PPP4R2: variants seen among roughly 807,000 people sequenced by gnomAD.
The protein encoded by PPP4R2 is protein phosphatase 4 regulatory subunit 2, also known as serine/threonine-protein phosphatase 4 regulatory subunit 2.
In PPP4R2, 13 loss-of-function variants were observed where a neutral mutation model predicts 47.2. The observed-to-expected ratio is 0.28, with a 90% CI of 0.18 to 0.44. The LOEUF (loss-of-function observed/expected upper bound fraction) is 0.44. Ranked by LOEUF, PPP4R2 falls within the 20% of genes least tolerant of loss-of-function variation. PPP4R2 has a pLI of 1.00. For synonymous variants in PPP4R2, 151 were observed against 163.3 expected, an observed-to-expected ratio of 0.92 and a Z score of 0.57; for missense variants, 421 against 491.2, an observed-to-expected ratio of 0.86 and a Z score of 1.35.
intron 2 of PPP4R2, among the ~76,000 whole-genome samples, chr3:73,043,135 T>A (rs963411506): frequency 6.6e-6 from 1 of 152,134 alleles, no homozygotes; most frequent in Non-Finnish European, 1.5e-5. Flanking sequence ...AATTATTAAT[T>A]TAAGAAATGA....
At chr3:73,027,820 T>A (rs1702095874) in intron 2 of PPP4R2, 1 of 151,650 alleles carries the variant, frequency 6.6e-6, no homozygotes, top group Non-Finnish European at 1.5e-5. Flanking sequence ...ATGTTACAGC[T>A]CTTTTAGAAT....
At chr3:73,003,275 G>A (rs1053282192) in intron 2 of PPP4R2, among the ~76,000 whole-genome samples, 7 of 150,930 alleles carry the variant, frequency 4.6e-5, no homozygotes, top group African/African-American at 9.8e-5. Flanking sequence ...GCAGTGGTGC[G>A]ATCACAGCTC....
intron 2 of PPP4R2, among the ~76,000 whole-genome samples, chr3:73,005,094 C>A (rs1701577338): frequency 6.6e-6 from 1 of 151,978 alleles, no homozygotes; most frequent in Non-Finnish European, 1.5e-5. Context: ...AGGTGCCCAC[C>A]ACTATGCCTG....
In PPP4R2 at chr3:73,050,382, CT is replaced by C. The variant is rs1013236533; in HGVS notation, c.287+3033del. 3.2e-4 allele frequency among the ~76,000 whole-genome samples: 48 copies of C among 152,036 alleles called. 1 individual carries two copies. Among genetic ancestry groups the C allele is most frequent in the South Asian group, 1.5e-3 (7 of 4,822 alleles). On this transcript the variant is annotated intron_variant, in intron 3 of 8. Coordinates refer to ENST00000356692, the MANE Select transcript of PPP4R2 (RefSeq NM_174907.4). The stretch of plus-strand genomic sequence containing the variant: ...AAGATTTTTCTATTTTTAATTTACT[CT>C]TTTTTTGTCTGTATTTTAATATATT...
At chr3:73,050,860 C>T (rs949147751) in intron 3 of PPP4R2, among the ~76,000 whole-genome samples, 2 of 152,148 alleles carry the variant, frequency 1.3e-5, no homozygotes, top group African/African-American at 2.4e-5. Context: ...CATCCTTCCA[C>T]GTATCTTTTG....
chr3:73,062,920 G>C (rs1702900384), intron 5 of PPP4R2: 5 of 1,594,298 alleles, frequency 3.1e-6, no homozygotes, highest in Non-Finnish European at 4.3e-6. Context: ...AAGCACAGAT[G>C]ACAACCTATT....
chr3:73,034,639 C>A (rs1702230251), intron 2 of PPP4R2, among the ~76,000 whole-genome samples: 1 of 152,092 alleles, frequency 6.6e-6, no homozygotes, highest in African/African-American at 2.4e-5. Flanking sequence ...TTCAAGCAAT[C>A]CTCCTACCTC....
intron 2 of PPP4R2, among the ~76,000 whole-genome samples, chr3:73,037,873 C>G (rs1385994024): frequency 1.3e-5 from 2 of 152,120 alleles, no homozygotes; most frequent in Non-Finnish European, 2.9e-5. Context: ...ATCTGTAAGT[C>G]TGGTTTTCCA....
chr3:73,057,663 A>C (rs192294548), intron 3 of PPP4R2, among the ~76,000 whole-genome samples: 14 of 152,284 alleles, frequency 9.2e-5, no homozygotes, highest in Non-Finnish European at 1.8e-4. Flanking sequence ...AATTTTTTGC[A>C]CATCTTATAC....
At chr3:73,051,532 A>C (rs1433372976) in intron 3 of PPP4R2, among the ~76,000 whole-genome samples, 1 of 152,140 alleles carries the variant, frequency 6.6e-6, no homozygotes, top group Non-Finnish European at 1.5e-5. Flanking sequence ...TTTAGTTTGT[A>C]AAAGTTTTAT....
chr3:73,019,372 T>TTATG (rs1251312836), intron 2 of PPP4R2, among the ~76,000 whole-genome samples: 42 of 152,228 alleles, frequency 2.8e-4, no homozygotes, highest in African/African-American at 1.0e-3. Context: ...AACTATTATT[T>TTATG]TATTTATTTA....
At position 73,001,167 on chromosome 3, in the gene PPP4R2, A is replaced by T. The variant is rs928114295; in HGVS notation, c.116+3009A>T. Among the ~76,000 whole-genome samples, 10 of 152,246 alleles carry T rather than the reference A, an allele frequency of 6.6e-5. No individual in the cohort carries two copies. The South Asian group carries it at 8.3e-4, about 13-fold the overall frequency. ...TACAATCTTGGTGGTAGAGAAGTTT[A>T]TTATTACTCAGCTACATAAAATACT... On this transcript the variant is annotated intron_variant, in intron 2 of 8. Transcript: ENST00000356692.
At chr3:73,022,116 C>G (rs1211848416) in intron 2 of PPP4R2, among the ~76,000 whole-genome samples, 1 of 151,716 alleles carries the variant, frequency 6.6e-6, no homozygotes, top group Non-Finnish European at 1.5e-5. Flanking sequence ...AGGCTGGTCT[C>G]GAACTCCTGA....
Position 72,997,073 on chromosome 3 carries a change from T to TG in PPP4R2, c.34+7dup. 7.2e-7 allele frequency: 1 copy of TG among 1,396,174 alleles called. No individual in the cohort carries two copies. The highest frequency in any genetic ancestry group is 9.4e-7 in the Non-Finnish European group (1 of 1,058,452). 86.5% of individuals were successfully genotyped at this position (1,396,174 alleles called of 1,614,324 possible). On this transcript the variant is annotated splice_region_variant and intron_variant, in intron 1 of 8. Coordinates refer to ENST00000356692, the MANE Select transcript of PPP4R2 (RefSeq NM_174907.4). Reference sequence around the variant, plus strand: ...AGAGGCTCCAGGAGGCGCTGAAAGGTGGGGGTAGCTGCCCCCTCTCCATTC... The same window carrying TG: ...AGAGGCTCCAGGAGGCGCTGAAAGGTGGGGGGTAGCTGCCCCCTCTCCATTC...
At chr3:73,011,023 A>T (rs1414758870) in intron 2 of PPP4R2, among the ~76,000 whole-genome samples, 1 of 105,146 alleles carries the variant, frequency 9.5e-6, no homozygotes, top group East Asian at 2.5e-4. Flanking sequence ...AAGGTTGTAC[A>T]GCTAAGTAAT....
In PPP4R2 at chr3:73,007,280, T is replaced by C. The variant is rs886892299; in HGVS notation, c.116+9122T>C. Among the ~76,000 whole-genome samples, 9 of 152,120 alleles carry C rather than the reference T, an allele frequency of 5.9e-5. No individual in the cohort carries two copies. In the East Asian group the frequency reaches 7.7e-4, roughly 13 times the overall value. On this transcript the variant is annotated intron_variant, in intron 2 of 8. Coordinates refer to ENST00000356692, the MANE Select transcript of PPP4R2 (RefSeq NM_174907.4). ...TGCATATTTTGATTCTGCTTTTTTT[T>C]CCCCCTCTACAGTTTGAAGTTCTTT...
In PPP4R2 at chr3:73,037,831, A is replaced by G. The variant is rs538729509; in HGVS notation, c.117-9355A>G. 6.6e-5 allele frequency among the ~76,000 whole-genome samples: 10 copies of G among 152,300 alleles called. 1 individual carries two copies. The South Asian group carries it at 1.9e-3, about 28-fold the overall frequency. On this transcript the variant is annotated intron_variant, in intron 2 of 8. Transcript: ENST00000356692. ...TACCATCACTGAAATCTCGGCAATTAAGTGTTTATGATGTTTTATTTTCTA... is the reference window on the plus strand; with the variant it reads ...TACCATCACTGAAATCTCGGCAATTGAGTGTTTATGATGTTTTATTTTCTA...
intron 2 of PPP4R2, among the ~76,000 whole-genome samples, chr3:73,039,904 A>G (rs1702342032): frequency 6.6e-6 from 1 of 152,156 alleles, no homozygotes; most frequent in South Asian, 2.1e-4. Flanking sequence ...AAATACAAAA[A>G]TTAGCCAGGC....
chr3:73,055,910 G>A lies in PPP4R2; in HGVS notation c.288-3127G>A, dbSNP rs146385853. ...CGTGAGCCACCGTGCCTGGCCCAGG[G>A]TTTTTTATTTTACAGTATAACTTTG... On this transcript the variant is annotated intron_variant, in intron 3 of 8. Transcript: ENST00000356692. Among the ~76,000 whole-genome samples the A allele has an allele frequency of 5.1e-3, 782 of 152,082 alleles. 7 individuals are homozygous for A. Among genetic ancestry groups the A allele is most frequent in the African/African-American group, 0.018 (753 of 41,492 alleles).
Sources: allele counts gnomAD v4.1 joint callset (sites outside exome capture counted in the v4.1 genomes callset), GRCh38; gene constraint gnomAD v4.1.1; transcripts MANE v1.5; gene names NCBI Gene and HGNC (gene_info 2026-07-23, HGNC 2026-07-21).